LUZP2: variants seen among roughly 807,000 people sequenced by gnomAD.
LUZP2 encodes leucine zipper protein 2.
A neutral mutation model predicts 51.6 loss-of-function variants in LUZP2; 52 were observed. The observed-to-expected ratio is 1.01, with a 90% confidence interval of 0.81 to 1.27. The LOEUF (loss-of-function observed/expected upper bound fraction) is 1.27. LUZP2 is among the 50% of genes most tolerant of loss of function. The pLI is 0.00. For missense variants in LUZP2, 436 were observed against 395.4 expected (o/e 1.10, Z -0.87); for synonymous variants, 154 against 137.3 (o/e 1.12, Z -0.85).
intron 10 of LUZP2, among the ~76,000 whole-genome samples, chr11:25,062,661 T>A (rs1265429196): frequency 6.7e-6 from 1 of 149,712 alleles, no homozygotes; most frequent in East Asian, 2.0e-4. Context: ...AATAAAGTTG[T>A]GTGTCTTTCC....
intron 5 of LUZP2, among the ~76,000 whole-genome samples, chr11:24,883,505 CT>C (rs1375349786): frequency 6.6e-6 from 1 of 151,942 alleles, no homozygotes; most frequent in Non-Finnish European, 1.5e-5. Context: ...AATAAATCAT[CT>C]TTCTTTGAAA....
At chr11:24,768,334 T>A (rs1860273839) in intron 5 of LUZP2, among the ~76,000 whole-genome samples, 1 of 152,120 alleles carries the variant, frequency 6.6e-6, no homozygotes, top group African/African-American at 2.4e-5. Flanking sequence ...GGTCTTGAAT[T>A]CCTGACCTCA....
At chr11:24,970,573 C>T (rs183219191) in intron 7 of LUZP2, among the ~76,000 whole-genome samples, 112 of 152,224 alleles carry the variant, frequency 7.4e-4, no homozygotes, top group African/African-American at 2.5e-3. Flanking sequence ...GTCAGAACTT[C>T]GCAAATTTAG....
chr11:24,807,833 G>T (rs1485271999), intron 5 of LUZP2, among the ~76,000 whole-genome samples: 2 of 152,124 alleles, frequency 1.3e-5, no homozygotes, highest in African/African-American at 4.8e-5. Flanking sequence ...GTGGAGGAAG[G>T]TCAGGGCGAC....
At chr11:24,767,672 T>G (rs1474405158) in intron 5 of LUZP2, among the ~76,000 whole-genome samples, 1 of 152,116 alleles carries the variant, frequency 6.6e-6, no homozygotes, top group Non-Finnish European at 1.5e-5. Flanking sequence ...AAAGCCTAAC[T>G]GGCTTTGTCT....
intron 5 of LUZP2, among the ~76,000 whole-genome samples, chr11:24,850,937 G>A (rs1851375285): frequency 2.0e-5 from 3 of 152,128 alleles, no homozygotes; most frequent in Non-Finnish European, 2.9e-5. Context: ...GTATAGAAAC[G>A]CTTGTGGTTT....
At chr11:24,507,601 T>C (rs1421711975) in intron 1 of LUZP2, among the ~76,000 whole-genome samples, 1 of 151,996 alleles carries the variant, frequency 6.6e-6, no homozygotes, top group Non-Finnish European at 1.5e-5. Context: ...ATGTCTGAGA[T>C]AAACTACAAA....
chr11:24,652,778 G>A (rs1855668845), intron 1 of LUZP2, among the ~76,000 whole-genome samples: 1 of 152,034 alleles, frequency 6.6e-6, no homozygotes. Context: ...AAATATTTAT[G>A]TTTTGAATGA....
intron 5 of LUZP2, among the ~76,000 whole-genome samples, chr11:24,826,574 C>T (rs1055641943): frequency 5.3e-5 from 8 of 151,130 alleles, no homozygotes; most frequent in Non-Finnish European, 1.2e-4. Flanking sequence ...AAAGCACCCT[C>T]ACCAGATGCC....
intron 1 of LUZP2, among the ~76,000 whole-genome samples, chr11:24,598,068 T>C (rs1742553171): frequency 6.7e-6 from 1 of 148,744 alleles, no homozygotes; most frequent in Non-Finnish European, 1.5e-5. Context: ...GCCATTGCAC[T>C]CCAGCCTGGG....
intron 5 of LUZP2, among the ~76,000 whole-genome samples, chr11:24,813,442 A>G (rs575345119): frequency 1.2e-3 from 180 of 152,338 alleles, no homozygotes; most frequent in Non-Finnish European, 2.3e-3. Context: ...CAGTCATGGC[A>G]GAAGGCAAAG....
intron 1 of LUZP2, among the ~76,000 whole-genome samples, chr11:24,615,907 A>G (rs7118673): frequency 0.22 from 33,723 of 151,226 alleles, 4,678 homozygotes; most frequent in African/African-American, 0.39. Flanking sequence ...CATTTCCCTG[A>G]TGGATAATGA....
intron 5 of LUZP2, among the ~76,000 whole-genome samples, chr11:24,882,032 T>C (rs1165391177): frequency 4.6e-5 from 7 of 152,012 alleles, no homozygotes; most frequent in Admixed American, 1.3e-4. Context: ...TCTGCTCTTT[T>C]AGGAGCTTTC....
At chr11:24,861,720 A>G (rs777972885) in intron 5 of LUZP2, among the ~76,000 whole-genome samples, 6 of 152,120 alleles carry the variant, frequency 3.9e-5, no homozygotes, top group African/African-American at 9.7e-5. Context: ...ACATAATGCC[A>G]CAAGCCTGGA....
At chr11:24,896,716 G>A (rs536332250) in intron 5 of LUZP2, among the ~76,000 whole-genome samples, 11 of 152,340 alleles carry the variant, frequency 7.2e-5, no homozygotes, top group South Asian at 4.1e-4. Context: ...CAGCTCCACC[G>A]GTGGCCCCGG....
At chr11:24,824,289 C>G (rs1850454002) in intron 5 of LUZP2, among the ~76,000 whole-genome samples, 1 of 140,154 alleles carries the variant, frequency 7.1e-6, no homozygotes, top group Admixed American at 7.8e-5. Context: ...TAGCTTGAAC[C>G]CGGGAAGTGG....
chr11:24,729,468 T>A (rs2716462), intron 2 of LUZP2, among the ~76,000 whole-genome samples, 182 bp downstream of exon 2: 114,562 of 151,912 alleles, frequency 0.75, 44,166 homozygotes, highest in African/African-American at 0.89. Context: ...TAGGAATCTG[T>A]GTTTAACAAA....
chr11:25,069,170 A>G (rs1859082678), intron 10 of LUZP2, among the ~76,000 whole-genome samples: 1 of 151,944 alleles, frequency 6.6e-6, no homozygotes, highest in Admixed American at 6.6e-5. Flanking sequence ...GGTGCTATCA[A>G]AATCTAAAAT....
chr11:25,002,807 T>C (rs1390346911), intron 9 of LUZP2, among the ~76,000 whole-genome samples: 1 of 152,150 alleles, frequency 6.6e-6, no homozygotes, highest in Non-Finnish European at 1.5e-5. Flanking sequence ...TAGTAGGGCC[T>C]TCTTTAAGAT....
Sources: allele counts gnomAD v4.1 joint callset (sites outside exome capture counted in the v4.1 genomes callset), GRCh38; gene constraint gnomAD v4.1.1; transcripts MANE v1.5; gene names NCBI Gene and HGNC (gene_info 2026-07-23, HGNC 2026-07-21).